The following NTN1 variants were observed in gnomAD, a reference collection of about 807,000 sequenced individuals.
The protein encoded by NTN1 is netrin-1.
A neutral mutation model predicts 54.2 loss-of-function variants in NTN1; 11 were observed. The observed-to-expected ratio is 0.20, with a 90% CI of 0.13 to 0.34. The LOEUF (loss-of-function observed/expected upper bound fraction) is 0.34. Among genes scored for constraint, NTN1 ranks in the 10% least tolerant of loss-of-function variants. NTN1 has a pLI of 1.00. For synonymous variants in NTN1, 371 were observed against 382.0 expected (o/e 0.97, Z 0.33); for missense variants, 740 against 893.1 (o/e 0.83, Z 2.18).
At chr17:9,159,136 A>G (rs1333136763) in intron 2 of NTN1, among the ~76,000 whole-genome samples, 2 of 152,268 alleles carry the variant, frequency 1.3e-5, no homozygotes, top group East Asian at 1.9e-4. Flanking sequence ...TACAGCTTAT[A>G]TGGCAGAAAA....
chr17:9,087,459 G>C (rs139933725), intron 2 of NTN1, among the ~76,000 whole-genome samples: 3 of 152,226 alleles, frequency 2.0e-5, no homozygotes, highest in Non-Finnish European at 2.9e-5. Context: ...CAGGAAGACC[G>C]TATTGAAAGG....
chr17:9,149,603 A>G (rs2092322013), intron 2 of NTN1, among the ~76,000 whole-genome samples: 1 of 151,962 alleles, frequency 6.6e-6, no homozygotes, highest in East Asian at 1.9e-4. Context: ...TGTTCTTCTC[A>G]TCTCTTCTTC....
intron 5 of NTN1, among the ~76,000 whole-genome samples, chr17:9,193,929 A>AAAAAAAAACAAAACAAAC (rs1567734863): frequency 9.5e-5 from 13 of 137,362 alleles, no homozygotes; most frequent in African/African-American, 3.3e-4. Context: ...CTAAAAAAAA[A>AAAAAAAAACAAAACAAAC]AAAAAAAAAA....
At chr17:9,150,104 G>A (rs1424974653) in intron 2 of NTN1, among the ~76,000 whole-genome samples, 3 of 152,076 alleles carry the variant, frequency 2.0e-5, no homozygotes. Context: ...TTGGGAGGCT[G>A]AGGCAGGAGA....
chr17:9,187,885 A>G (rs1291512837), intron 5 of NTN1, among the ~76,000 whole-genome samples: 2 of 152,200 alleles, frequency 1.3e-5, no homozygotes, highest in Non-Finnish European at 2.9e-5. Flanking sequence ...AGAACCTTGA[A>G]AACATCATGC....
chr17:9,106,905 A>C (rs1391448976), intron 2 of NTN1, among the ~76,000 whole-genome samples: 1 of 152,084 alleles, frequency 6.6e-6, no homozygotes, highest in Non-Finnish European at 1.5e-5. Flanking sequence ...TTTTGCACTT[A>C]CTGGGATCCA....
At chr17:9,230,195 A>G (rs1389829700) in intron 6 of NTN1, among the ~76,000 whole-genome samples, 1 of 152,096 alleles carries the variant, frequency 6.6e-6, no homozygotes, top group Non-Finnish European at 1.5e-5. Flanking sequence ...TGAAGTTACT[A>G]TGTCTTGGAT....
rs550795550 is a variant in NTN1, at chr17:9,090,465, C to T, written c.1018+67074C>T. 4.3e-3 allele frequency among the ~76,000 whole-genome samples: 662 copies of T among 152,214 alleles called. 2 individuals carry two copies. Among genetic ancestry groups the T allele is most frequent in the Middle Eastern group, 0.01 (3 of 292 alleles). On this transcript the variant is annotated intron_variant, in intron 2 of 6. Transcript: ENST00000173229. Reference sequence around the variant, plus strand: ...CTGGGATTACAGGTGTGAGCCACCGCGCCTGGCCTAACTCCTCATCTTTCT... The same window carrying T: ...CTGGGATTACAGGTGTGAGCCACCGTGCCTGGCCTAACTCCTCATCTTTCT...
chr17:9,087,673 A>C (rs1486341399), intron 2 of NTN1, among the ~76,000 whole-genome samples: 1 of 152,190 alleles, frequency 6.6e-6, no homozygotes, highest in African/African-American at 2.4e-5. Flanking sequence ...TCTTCTCCAC[A>C]ATTACCCAGA....
chr17:9,159,247 G>T (rs1327472193), intron 2 of NTN1, among the ~76,000 whole-genome samples: 1 of 152,104 alleles, frequency 6.6e-6, no homozygotes, highest in African/African-American at 2.4e-5. Context: ...GCACAAAAAA[G>T]AAATATAAAT....
chr17:9,236,251 C>T (rs1905985316), intron 6 of NTN1, among the ~76,000 whole-genome samples: 1 of 152,172 alleles, frequency 6.6e-6, no homozygotes, highest in Non-Finnish European at 1.5e-5. Flanking sequence ...GGTGACATCA[C>T]AGGTACATCT....
At chr17:9,216,065 A>G (rs537892278) in intron 5 of NTN1, among the ~76,000 whole-genome samples, 2 of 152,174 alleles carry the variant, frequency 1.3e-5, no homozygotes, top group South Asian at 2.1e-4. Context: ...GGCTCAAGCA[A>G]TACTCCCACC....
chr17:9,021,121 A>G (rs967278598), upstream of NTN1, among the ~76,000 whole-genome samples: 32 of 152,068 alleles, frequency 2.1e-4, no homozygotes, highest in African/African-American at 7.2e-4. Flanking sequence ...TTTGGCTGGG[A>G]CCGGGAGGGA....
intron 6 of NTN1, among the ~76,000 whole-genome samples, chr17:9,228,036 T>C (rs1905659370): frequency 6.6e-6 from 1 of 152,188 alleles, no homozygotes; most frequent in South Asian, 2.1e-4. Flanking sequence ...GGCCCCATCC[T>C]GCCCTGGGTG....
intron 2 of NTN1, among the ~76,000 whole-genome samples, chr17:9,096,048 C>G (rs537500254): frequency 6.6e-6 from 1 of 152,230 alleles, no homozygotes; most frequent in East Asian, 1.9e-4. Context: ...CTGCCCACCT[C>G]GGCCTCCCAA....
intron 2 of NTN1, among the ~76,000 whole-genome samples, chr17:9,084,163 A>G (rs2092082564): frequency 6.6e-6 from 1 of 152,214 alleles, no homozygotes; most frequent in Non-Finnish European, 1.5e-5. Flanking sequence ...GCTGGAGTGC[A>G]GTGGCTTGAT....
At chr17:9,218,181 G>A (rs1305265123) in intron 5 of NTN1, among the ~76,000 whole-genome samples, 1 of 152,220 alleles carries the variant, frequency 6.6e-6, no homozygotes, top group East Asian at 1.9e-4. Context: ...GTGGGACCCA[G>A]GCATCGTGAT....
At chr17:9,101,237 A>G (rs1215009350) in intron 2 of NTN1, among the ~76,000 whole-genome samples, 1 of 152,190 alleles carries the variant, frequency 6.6e-6, no homozygotes, top group Admixed American at 6.5e-5. Flanking sequence ...GGGCCTCAAT[A>G]AACATTTGCT....
intron 2 of NTN1, among the ~76,000 whole-genome samples, chr17:9,075,372 C>G (rs540789411): frequency 8.9e-4 from 136 of 152,246 alleles, no homozygotes; most frequent in Non-Finnish European, 1.4e-3. Context: ...ATCCCAGCTA[C>G]TCAGGAGGCT....
Sources: gnomAD v4.1 joint callset for allele counts (sites outside exome capture counted in the v4.1 genomes callset) on GRCh38, gnomAD v4.1.1 for gene constraint, MANE v1.5 for transcripts, NCBI Gene and HGNC (gene_info 2026-07-23, HGNC 2026-07-21) for gene names.